Variants in TMEM150C observed in about 807,000 individuals in gnomAD.
TMEM150C encodes transmembrane protein 150C, also known as tentonin 3.
TMEM150C carries 10 observed loss-of-function variants against 29.9 expected under a neutral mutation model. The ratio of observed to expected loss-of-function variants is 0.33; its 90% CI spans 0.21 to 0.57. The LOEUF is 0.57. Among genes scored for constraint, TMEM150C ranks in the 20% least tolerant of loss-of-function variants. The pLI is 0.88. For synonymous variants in TMEM150C, 101 were observed against 112.5 expected (o/e 0.90, Z 0.64); for missense variants, 251 against 303.6 (o/e 0.83, Z 1.29).
intron 1 of TMEM150C, among the ~76,000 whole-genome samples, chr4:82,517,867 A>T (rs1166074099): frequency 6.6e-6 from 1 of 152,214 alleles, no homozygotes; most frequent in Non-Finnish European, 1.5e-5. Context: ...TGGAAAACTG[A>T]CTATACAGTC....
At chr4:82,501,235 G>A (rs1035351054) in intron 5 of TMEM150C, among the ~76,000 whole-genome samples, 2 of 152,200 alleles carry the variant, frequency 1.3e-5, no homozygotes, top group African/African-American at 4.8e-5. Context: ...TGGCAGCTCT[G>A]AGGCTGAAAG....
chr4:82,500,807 G>A lies in TMEM150C; in HGVS notation c.235+1920C>T, dbSNP rs1252636486. Among the ~76,000 whole-genome samples the A allele has an allele frequency of 2.6e-5, 4 of 152,338 alleles. No homozygotes were observed. In the East Asian group the frequency reaches 7.7e-4, roughly 29 times the overall value. On this transcript the variant is annotated intron_variant, in intron 5 of 7. Coordinates refer to ENST00000449862, the MANE Select transcript of TMEM150C (RefSeq NM_001080506.3). ...AAGCATACAAAGGAAACAATATGTG[G>A]CTTCCAATGTGCTCACTGGTTTGTT...
chr4:82,497,008 A>C (rs1045296336), intron 5 of TMEM150C, among the ~76,000 whole-genome samples: 11 of 152,236 alleles, frequency 7.2e-5, no homozygotes, highest in African/African-American at 2.7e-4. Context: ...AATATTAATT[A>C]CTCATTTTAA....
At chr4:82,552,642 A>T (rs1011170493) in intron 1 of TMEM150C, among the ~76,000 whole-genome samples, 2 of 152,188 alleles carry the variant, frequency 1.3e-5, no homozygotes, top group Admixed American at 6.5e-5. Context: ...GGAAGCTTTT[A>T]AAAAAAAGTT....
intron 1 of TMEM150C, among the ~76,000 whole-genome samples, chr4:82,518,697 G>A (rs539769684): frequency 6.6e-6 from 1 of 152,194 alleles, no homozygotes; most frequent in African/African-American, 2.4e-5. Flanking sequence ...CTGGGGTTTG[G>A]CTGCCCAGTT....
rs1331938066 is a variant in TMEM150C, at chr4:82,503,127, T to A, written c.81-15A>T. 6.4e-7 allele frequency: 1 copy of A among 1,565,264 alleles called. No homozygotes were observed. Among genetic ancestry groups the A allele is most frequent in the African/African-American group, 1.4e-5 (1 of 73,542 alleles). On this transcript the variant is annotated splice_polypyrimidine_tract_variant and intron_variant, in intron 2 of 7. Transcript: ENST00000449862. ...CTATGAAGTATCTATCAAAAAAGAA[T>A]AAGTTTATAGAACAAAGAAATTGGA...
intron 1 of TMEM150C, 83 bp from the exon 2 acceptor site, chr4:82,504,750 G>A (rs1308618217): frequency 1.7e-6 from 2 of 1,170,058 alleles, no homozygotes; most frequent in African/African-American, 3.1e-5. Flanking sequence ...GTCTAACTGG[G>A]CCAAGCACGG....
At chr4:82,489,062 ATTT>A (rs576894576) in intron 7 of TMEM150C, among the ~76,000 whole-genome samples, 2 of 126,080 alleles carry the variant, frequency 1.6e-5, no homozygotes, top group Non-Finnish European at 1.7e-5. Flanking sequence ...GGATTTTTAG[ATTT>A]TTTTTTTTTT....
Position 82,490,251 on chromosome 4 carries a change from T to C in TMEM150C, c.364-13A>G, listed in dbSNP as rs1286305107. The stretch of plus-strand genomic sequence containing the variant: ...CATCATTTGTGAGCTTAGGGATGAA[T>C]GGATAATGACACATGAAGGCCCATT... On this transcript the variant is annotated splice_polypyrimidine_tract_variant and intron_variant, in intron 6 of 7. Transcript: ENST00000449862. The C allele has an allele frequency of 3.7e-6, 6 of 1,613,142 alleles. No individual in the cohort carries two copies. The highest frequency in any genetic ancestry group is 5.1e-6 in the Non-Finnish European group (6 of 1,179,394).
chr4:82,541,579 G>C (rs1315605515), intron 1 of TMEM150C, among the ~76,000 whole-genome samples: 4 of 152,140 alleles, frequency 2.6e-5, no homozygotes, highest in Non-Finnish European at 5.9e-5. Context: ...TTCTAAATTA[G>C]TACAAAGAGA....
chr4:82,489,921 T>A, intron 7 of TMEM150C, 140 bp downstream of exon 7: 1 of 793,392 alleles, frequency 1.3e-6, no homozygotes, highest in Non-Finnish European at 1.9e-6. Context: ...TGAGGGTTTT[T>A]GTTTTTATAC....
At chr4:82,537,005 T>A (rs1438304478) in intron 1 of TMEM150C, among the ~76,000 whole-genome samples, 1 of 152,146 alleles carries the variant, frequency 6.6e-6, no homozygotes, top group Non-Finnish European at 1.5e-5. Context: ...TTTTTGAGAC[T>A]GGATCTCACT....
chr4:82,519,076 T>C (rs1239182064), intron 1 of TMEM150C, among the ~76,000 whole-genome samples: 1 of 152,236 alleles, frequency 6.6e-6, no homozygotes, highest in African/African-American at 2.4e-5. Flanking sequence ...CAAACTGCTT[T>C]GATTTGGAGG....
chr4:82,539,031 C>T (rs1213029372), intron 1 of TMEM150C, among the ~76,000 whole-genome samples: 1 of 152,112 alleles, frequency 6.6e-6, no homozygotes, highest in Admixed American at 6.5e-5. Flanking sequence ...CACGCCACTG[C>T]ACTCCAGCCT....
Position 82,560,276 on chromosome 4 carries a change from AT to A in TMEM150C, c.-11+1629del, listed in dbSNP as rs551871897. Among the ~76,000 whole-genome samples, 323 of 152,370 alleles carry A rather than the reference AT, an allele frequency of 2.1e-3. 1 individual carries two copies. The highest frequency in any genetic ancestry group is 7.3e-3 in the African/African-American group (304 of 41,584). Reference sequence around the variant, plus strand: ...TGCATTCAGCTAATGGCAGATTATAATAAACATGCATTAAAGTGTTTTTCAA... The same window carrying A: ...TGCATTCAGCTAATGGCAGATTATAAAAACATGCATTAAAGTGTTTTTCAA... On this transcript the variant is annotated intron_variant, in intron 1 of 7. Transcript: ENST00000449862.
At chr4:82,489,388 A>G (rs1723260913) in intron 7 of TMEM150C, among the ~76,000 whole-genome samples, 1 of 151,970 alleles carries the variant, frequency 6.6e-6, no homozygotes, top group African/African-American at 2.4e-5. Flanking sequence ...GGTTAAGTTG[A>G]ATTCCAAGGT....
chr4:82,535,396 A>C (rs1724972351), intron 1 of TMEM150C, among the ~76,000 whole-genome samples: 1 of 152,224 alleles, frequency 6.6e-6, no homozygotes, highest in African/African-American at 2.4e-5. Context: ...TGAAGCTGTC[A>C]AGACCTGATC....
chr4:82,519,105 G>C (rs1003820737), intron 1 of TMEM150C, among the ~76,000 whole-genome samples: 2 of 152,158 alleles, frequency 1.3e-5, no homozygotes, highest in Non-Finnish European at 2.9e-5. Flanking sequence ...TAGTCTTCTG[G>C]AAAGAGGCAA....
At chr4:82,510,708 T>G (rs927193408) in intron 1 of TMEM150C, among the ~76,000 whole-genome samples, 2 of 152,188 alleles carry the variant, frequency 1.3e-5, no homozygotes, top group African/African-American at 4.8e-5. Context: ...TCTTTTTTTG[T>G]CTTGTAATTT....
Sources: gnomAD v4.1 joint callset for allele counts (sites outside exome capture counted in the v4.1 genomes callset) on GRCh38, gnomAD v4.1.1 for gene constraint, MANE v1.5 for transcripts, NCBI Gene and HGNC (gene_info 2026-07-23, HGNC 2026-07-21) for gene names.